The following RABL3 variants were observed in gnomAD, a reference collection of about 807,000 sequenced individuals.
RABL3 encodes RAB, member of RAS oncogene family like 3, also known as rab-like protein 3.
Under a neutral mutation model 31.8 loss-of-function variants are expected in RABL3, and 31 were observed. The ratio of observed to expected loss-of-function variants is 0.97; its 90% CI spans 0.73 to 1.31. The LOEUF (loss-of-function observed/expected upper bound fraction) is 1.31. RABL3 is among the 40% of genes most tolerant of loss of function. RABL3 has a pLI of 0.00. For synonymous variants in RABL3, 97 were observed against 99.9 expected (o/e 0.97, Z 0.18); for missense variants, 263 against 279.6 (o/e 0.94, Z 0.42).
intron 2 of RABL3, among the ~76,000 whole-genome samples, chr3:120,717,657 T>C (rs112331110): frequency 0.018 from 2,774 of 152,112 alleles, 93 homozygotes; most frequent in African/African-American, 0.064. Flanking sequence ...TTAGTAGAGA[T>C]GGGGTTTCAC....
chr3:120,697,047 G>A (rs957464510), intron 5 of RABL3, among the ~76,000 whole-genome samples: 2 of 152,184 alleles, frequency 1.3e-5, no homozygotes, highest in Admixed American at 6.5e-5. Flanking sequence ...CAGATTCCTG[G>A]TCCTCCTGCC....
intron 1 of RABL3, among the ~76,000 whole-genome samples, chr3:120,735,743 T>C (rs1377553949): frequency 6.6e-6 from 1 of 152,240 alleles, no homozygotes; most frequent in Admixed American, 6.5e-5. Flanking sequence ...TGGTATGCTG[T>C]GTCTTTGTTC....
intron 2 of RABL3, among the ~76,000 whole-genome samples, chr3:120,725,342 G>C (rs905874031): frequency 2.0e-5 from 3 of 151,086 alleles, no homozygotes; most frequent in Admixed American, 1.3e-4. Context: ...CTTCTACACT[G>C]TTGGTGGAAC....
intron 2 of RABL3, among the ~76,000 whole-genome samples, chr3:120,730,208 C>A (rs1708866278): frequency 6.6e-6 from 1 of 152,188 alleles, no homozygotes; most frequent in African/African-American, 2.4e-5. Context: ...TCAGAACTAG[C>A]TGGCATTAGC....
In RABL3 at chr3:120,686,169, C is replaced by T. The variant is rs144103859; in HGVS notation, c.*3654G>A. Among the ~76,000 whole-genome samples the T allele has an allele frequency of 1.3e-4, 20 of 152,284 alleles. No homozygotes were observed. The highest frequency in any genetic ancestry group is 2.1e-4 in the South Asian group (1 of 4,820). Reference sequence around the variant, plus strand: ...GTGATTTAGCTCAGTCTTGGGACTGCGGAGAAATGAATTTCTAATTTCCTT... The same window carrying T: ...GTGATTTAGCTCAGTCTTGGGACTGTGGAGAAATGAATTTCTAATTTCCTT... On this transcript the variant is annotated 3_prime_UTR_variant, in exon 8 of 8. Coordinates refer to ENST00000273375, the MANE Select transcript of RABL3 (RefSeq NM_173825.5).
Position 120,685,321 on chromosome 3 carries a change from T to C in RABL3, c.*4502A>G, listed in dbSNP as rs1708296498. Among the ~76,000 whole-genome samples, 1 of 152,202 alleles carries C rather than the reference T, an allele frequency of 6.6e-6. No homozygotes were observed. Among genetic ancestry groups the C allele is most frequent in the African/African-American group, 2.4e-5 (1 of 41,442 alleles). On this transcript the variant is annotated 3_prime_UTR_variant, in exon 8 of 8. Transcript: ENST00000273375. The stretch of plus-strand genomic sequence containing the variant: ...AAGATGGAACGGAGAGATTACCTGA[T>C]ATACTTGATGGTACTGAGCGAGGTT...
At chr3:120,732,479 A>G (rs1242310082) in intron 1 of RABL3, among the ~76,000 whole-genome samples, 3 of 152,152 alleles carry the variant, frequency 2.0e-5, no homozygotes, top group Admixed American at 1.3e-4. Flanking sequence ...TATTCATCTT[A>G]AAAAAATGAT....
chr3:120,735,239 T>C (rs1708942077), intron 1 of RABL3, among the ~76,000 whole-genome samples: 1 of 152,212 alleles, frequency 6.6e-6, no homozygotes, highest in Non-Finnish European at 1.5e-5. Flanking sequence ...ATTGGTCTAT[T>C]CAGAGATTCA....
chr3:120,721,706 T>G (rs1246022128), intron 2 of RABL3, among the ~76,000 whole-genome samples: 1 of 152,154 alleles, frequency 6.6e-6, no homozygotes, highest in Non-Finnish European at 1.5e-5. Flanking sequence ...CAAAGACACT[T>G]AGACTCCCAC....
chr3:120,719,635 A>AGCAGCCAGGCTGGGGGAGGG (rs1708713016), intron 2 of RABL3, among the ~76,000 whole-genome samples: 1 of 152,198 alleles, frequency 6.6e-6, no homozygotes, highest in African/African-American at 2.4e-5. Context: ...ACTGCAAGGC[A>AGCAGCCAGGCTGGGGGAGGG]GCAGCCAGGC....
At chr3:120,735,975 G>T (rs1708956692) in intron 1 of RABL3, among the ~76,000 whole-genome samples, 2 of 152,140 alleles carry the variant, frequency 1.3e-5, no homozygotes, top group Non-Finnish European at 2.9e-5. Flanking sequence ...TGTGTGGTCA[G>T]TTTTGCAATA....
At chr3:120,742,337 C>T (rs1373799062) in intron 1 of RABL3, 125 bp downstream of exon 1, 1 of 883,434 alleles carries the variant, frequency 1.1e-6, no homozygotes, top group Non-Finnish European at 1.9e-6. Context: ...GTGTAGTCTT[C>T]AGGCCCTGGG....
intron 1 of RABL3, among the ~76,000 whole-genome samples, chr3:120,733,059 G>A (rs1047926410): frequency 5.3e-5 from 8 of 152,040 alleles, no homozygotes; most frequent in Non-Finnish European, 1.0e-4. Context: ...ATGATTTATA[G>A]TCCTTTGGGT....
chr3:120,686,226 T>A lies in RABL3; in HGVS notation c.*3597A>T, dbSNP rs1356187123. ...CTTTCCCCAAAACAGACTCCTCCTT[T>A]GAATTTTAACATATATTAAACCAAT... On this transcript the variant is annotated 3_prime_UTR_variant, in exon 8 of 8. Coordinates refer to ENST00000273375, the MANE Select transcript of RABL3 (RefSeq NM_173825.5). Among the ~76,000 whole-genome samples, 1 of 152,218 alleles carries A rather than the reference T, an allele frequency of 6.6e-6. No individual in the cohort carries two copies. Among genetic ancestry groups the A allele is most frequent in the African/African-American group, 2.4e-5 (1 of 41,462 alleles).
intron 2 of RABL3, among the ~76,000 whole-genome samples, chr3:120,714,194 C>G (rs1281301809): frequency 6.6e-6 from 1 of 152,042 alleles, no homozygotes; most frequent in East Asian, 1.9e-4. Flanking sequence ...ATTGTAGATG[C>G]TAATAAGTTT....
At chr3:120,693,938 GC>G (rs1708407736) in intron 6 of RABL3, among the ~76,000 whole-genome samples, 1 of 152,088 alleles carries the variant, frequency 6.6e-6, no homozygotes, top group African/African-American at 2.4e-5. Context: ...AAATCCAGTA[GC>G]TTTTGCCCTT....
At chr3:120,739,172 T>A (rs1331106174) in intron 1 of RABL3, among the ~76,000 whole-genome samples, 2 of 151,944 alleles carry the variant, frequency 1.3e-5, no homozygotes, top group East Asian at 3.9e-4. Flanking sequence ...AGGTCAGGAG[T>A]TCGAGACCAG....
At chr3:120,707,375 T>C (rs1471590000) in intron 3 of RABL3, among the ~76,000 whole-genome samples, 1 of 152,104 alleles carries the variant, frequency 6.6e-6, no homozygotes, top group Non-Finnish European at 1.5e-5. Context: ...AAAAAAGGAA[T>C]AAAGAACCAC....
chr3:120,737,193 G>A (rs1302312257), intron 1 of RABL3, among the ~76,000 whole-genome samples: 2 of 152,174 alleles, frequency 1.3e-5, no homozygotes, highest in Non-Finnish European at 2.9e-5. Context: ...TTTGCACATA[G>A]TCCCATATTT....
Sources: gnomAD v4.1 joint callset for allele counts (sites outside exome capture counted in the v4.1 genomes callset) on GRCh38, gnomAD v4.1.1 for gene constraint, MANE v1.5 for transcripts, NCBI Gene and HGNC (gene_info 2026-07-23, HGNC 2026-07-21) for gene names.